Variants in CEP57 observed in about 807,000 individuals in gnomAD.
CEP57 encodes the protein centrosomal protein 57.
A neutral mutation model predicts 68.0 loss-of-function variants in CEP57; 40 were observed. That is an observed-to-expected ratio of 0.59 (90% confidence interval 0.46 to 0.77). CEP57 has a LOEUF of 0.77. CEP57 is among the 30% of genes least tolerant of loss of function. The pLI, the probability that CEP57 is intolerant of heterozygous loss-of-function variation, is 0.00. For synonymous variants in CEP57, 219 were observed against 198.7 expected (o/e 1.10, Z -0.86); for missense variants, 606 against 580.7 (o/e 1.04, Z -0.45).
intron 2 of CEP57, among the ~76,000 whole-genome samples, chr11:95,809,827 G>A (rs149660437): frequency 6.6e-6 from 1 of 152,084 alleles, no homozygotes; most frequent in Non-Finnish European, 1.5e-5. Flanking sequence ...GGAAAAAGAG[G>A]TAATCCTCCC....
intron 2 of CEP57, among the ~76,000 whole-genome samples, chr11:95,801,450 CAAA>C (rs200265603): frequency 9.0e-5 from 6 of 66,680 alleles, no homozygotes; most frequent in African/African-American, 1.9e-4. Context: ...TTTTAAAAAG[CAAA>C]AAAAAAAAAA....
At chr11:95,823,482 C>T (rs1207508345) in intron 8 of CEP57, among the ~76,000 whole-genome samples, 1 of 151,968 alleles carries the variant, frequency 6.6e-6, no homozygotes, top group East Asian at 1.9e-4. Flanking sequence ...GTTGGTATGT[C>T]ATAGATGCAT....
chr11:95,832,396 T>G lies in CEP57; in HGVS notation c.*1140T>G, dbSNP rs897516888. ...AAAGAGAGCCCAAGAATATTAGATT[T>G]CCTCATGATACAAGATACTACAGTA... is the stretch of plus-strand genomic sequence containing the variant. On this transcript the variant is annotated 3_prime_UTR_variant, in exon 11 of 11. Transcript: ENST00000325542. 3.9e-5 allele frequency: 6 copies of G among 152,120 alleles called. No individual in the cohort carries two copies. The highest frequency in any genetic ancestry group is 1.5e-5 in the Non-Finnish European group (1 of 68,004). The allele number at this position is 152,120 out of a possible 1,614,324, so 9.4% of individuals were successfully genotyped here. A position where few individuals can be genotyped will look rare whatever the true frequency, so the allele number is the denominator to read the frequency against.
intron 8 of CEP57, among the ~76,000 whole-genome samples, chr11:95,824,803 T>C (rs558494220): frequency 6.6e-6 from 1 of 152,318 alleles, no homozygotes; most frequent in South Asian, 2.1e-4. Context: ...GGACTGCCCT[T>C]ATCTATAAAG....
intron 2 of CEP57, among the ~76,000 whole-genome samples, chr11:95,806,359 A>G (rs1016493791): frequency 3.3e-5 from 5 of 152,214 alleles, no homozygotes; most frequent in Admixed American, 1.3e-4. Context: ...TACCGGGTTC[A>G]TCTCACTGGG....
chr11:95,794,445 T>A, intron 1 of CEP57: 1 of 399,376 alleles, frequency 2.5e-6, no homozygotes, highest in South Asian at 1.8e-5. Flanking sequence ...TTATGTCCTC[T>A]TAAATGGATG....
chr11:95,831,059 G>C lies in CEP57; in HGVS notation c.1306G>C (p.Glu436Gln), dbSNP rs200955895. ...EKQKLEKQKK[E>Q]LKATKKTLDE... Reference sequence around the variant, plus strand: ...ACAGAAGTTAGAGAAGCAGAAGAAGGAATTAAAAGCTACCAAAAAGACTCT... The same window carrying C: ...ACAGAAGTTAGAGAAGCAGAAGAAGCAATTAAAAGCTACCAAAAAGACTCT... Residue 436 changes from glutamate to glutamine, a missense_variant, in exon 11 of 11, where the codon GAA (glutamate) becomes CAA (glutamine). Transcript: ENST00000325542. 9.9e-5 allele frequency: 160 copies of C among 1,613,076 alleles called. 4 individuals are homozygous for C. In the Middle Eastern group the frequency reaches 1.3e-3, roughly 13 times the overall value.
chr11:95,790,954 C>G (rs757770817), intron 1 of CEP57, among the ~76,000 whole-genome samples: 1 of 152,218 alleles, frequency 6.6e-6, no homozygotes, highest in South Asian at 2.1e-4. Flanking sequence ...GGCTGGCCGC[C>G]CCTGTTCCCC....
At chr11:95,801,458 A>AG (rs1287169259) in intron 2 of CEP57, among the ~76,000 whole-genome samples, 3 of 151,676 alleles carry the variant, frequency 2.0e-5, no homozygotes, top group African/African-American at 7.3e-5. Flanking sequence ...AGCAAAAAAA[A>AG]AAAAAAAAAA....
At chr11:95,801,764 C>T (rs985374725) in intron 2 of CEP57, among the ~76,000 whole-genome samples, 3 of 150,722 alleles carry the variant, frequency 2.0e-5, no homozygotes, top group African/African-American at 7.3e-5. Flanking sequence ...ACTAATAGAG[C>T]TAAATTCTGC....
intron 8 of CEP57, among the ~76,000 whole-genome samples, chr11:95,825,116 A>G (rs927738042): frequency 6.6e-6 from 1 of 152,238 alleles, no homozygotes; most frequent in African/African-American, 2.4e-5. Context: ...ATCAGGGAGC[A>G]TAAGGACTTC....
chr11:95,816,736 T>C (rs1862312056), intron 4 of CEP57, among the ~76,000 whole-genome samples: 1 of 152,192 alleles, frequency 6.6e-6, no homozygotes, highest in South Asian at 2.1e-4. Flanking sequence ...TTACCAATAA[T>C]AGTCCTTGAG....
chr11:95,799,945 C>T (rs1029415515), intron 2 of CEP57, among the ~76,000 whole-genome samples: 26 of 152,216 alleles, frequency 1.7e-4, no homozygotes, highest in African/African-American at 5.8e-4. Context: ...TCATCCCTAA[C>T]TTGTCTTCTG....
chr11:95,829,424 A>G (rs1862907825), intron 10 of CEP57, 93 bp downstream of exon 10: 3 of 1,261,336 alleles, frequency 2.4e-6, no homozygotes, highest in Non-Finnish European at 3.5e-6. Flanking sequence ...AGTGTATCAT[A>G]GATAAATATC....
At chr11:95,795,382 T>C (rs1268162592) in intron 1 of CEP57, 2 of 388,818 alleles carry the variant, frequency 5.1e-6, no homozygotes, top group Non-Finnish European at 9.1e-6. Context: ...CTTACATATC[T>C]ATTTTACTCA....
At chr11:95,790,873 C>T in intron 1 of CEP57, 130 bp downstream of exon 1, 1 of 1,029,750 alleles carries the variant, frequency 9.7e-7, no homozygotes. Flanking sequence ...GCCTAGATTG[C>T]CCCGCGCTCC....
intron 8 of CEP57, chr11:95,826,074 A>G (rs75950228): frequency 0.028 from 4,245 of 152,254 alleles, 83 homozygotes; most frequent in Non-Finnish European, 0.044. Context: ...GTTACACAGA[A>G]TGTGCTAGCC....
intron 2 of CEP57, among the ~76,000 whole-genome samples, chr11:95,810,105 G>A (rs1251152055): frequency 6.6e-6 from 1 of 152,142 alleles, no homozygotes; most frequent in Non-Finnish European, 1.5e-5. Context: ...GAAACCACAT[G>A]ATTATCTCAG....
intron 2 of CEP57, among the ~76,000 whole-genome samples, chr11:95,810,274 C>A (rs929779513): frequency 2.0e-4 from 31 of 152,186 alleles, no homozygotes; most frequent in Non-Finnish European, 3.7e-4. Flanking sequence ...GGAAGCATTC[C>A]CTTTGAAAAC....
Sources: allele counts gnomAD v4.1 joint callset (sites outside exome capture counted in the v4.1 genomes callset), GRCh38; gene constraint gnomAD v4.1.1; transcripts MANE v1.5; gene names NCBI Gene and HGNC (gene_info 2026-07-23, HGNC 2026-07-21).